The following FNDC3B variants were observed in gnomAD, a reference collection of about 807,000 sequenced individuals.
FNDC3B encodes the protein fibronectin type III domain-containing protein 3B.
In FNDC3B, 12 loss-of-function variants were observed where a neutral mutation model predicts 151.5. The observed-to-expected ratio is 0.08, with a 90% confidence interval of 0.05 to 0.13. The LOEUF (loss-of-function observed/expected upper bound fraction) is 0.13. Among genes scored for constraint, FNDC3B ranks in the 10% least tolerant of loss-of-function variants. The pLI, the probability that FNDC3B is intolerant of heterozygous loss-of-function variation, is 1.00. For missense variants in FNDC3B, 1,214 were observed against 1,505.3 expected, an observed-to-expected ratio of 0.81 and a Z score of 3.20; for synonymous variants, 528 against 549.0, an observed-to-expected ratio of 0.96 and a Z score of 0.54.
At chr3:172,382,327 C>T (rs1257232093) in intron 25 of FNDC3B, among the ~76,000 whole-genome samples, 1 of 151,870 alleles carries the variant, frequency 6.6e-6, no homozygotes, top group Non-Finnish European at 1.5e-5. Flanking sequence ...TGGTTTTTTT[C>T]TTGTAAATTT....
intron 4 of FNDC3B, among the ~76,000 whole-genome samples, chr3:172,244,126 G>T (rs1420823902): frequency 6.6e-6 from 1 of 152,232 alleles, no homozygotes; most frequent in Non-Finnish European, 1.5e-5. Context: ...TCTTACTGTT[G>T]AGCACTTATT....
At chr3:172,322,448 G>A (rs1305421567) in intron 11 of FNDC3B, among the ~76,000 whole-genome samples, 2 of 152,186 alleles carry the variant, frequency 1.3e-5, no homozygotes, top group Non-Finnish European at 2.9e-5. Context: ...AAGACCACCC[G>A]CATTCAAGGG....
intron 3 of FNDC3B, among the ~76,000 whole-genome samples, chr3:172,162,790 G>A (rs999318664): frequency 1.3e-5 from 2 of 151,916 alleles, no homozygotes; most frequent in African/African-American, 4.8e-5. Context: ...CTATGATATG[G>A]CTCTGAGCTG....
At position 172,397,014 on chromosome 3, in the gene FNDC3B, A is replaced by C. The variant is rs547075402; in HGVS notation, c.3304-150A>C. The C allele has an allele frequency of 1.7e-4, 108 of 621,752 alleles. 2 individuals carry two copies. In the South Asian group the frequency reaches 2.2e-3, roughly 13 times the overall value. 38.5% of individuals were successfully genotyped at this position (621,752 alleles called of 1,614,324 possible). A position where few individuals can be genotyped will look rare whatever the true frequency, so the allele number is the denominator to read the frequency against. Reference sequence around the variant, plus strand: ...TACCCTTTTTATGGTTGGAATACAGATTGAGAGAAGTACATTTTTATATCA... The same window carrying C: ...TACCCTTTTTATGGTTGGAATACAGCTTGAGAGAAGTACATTTTTATATCA... On this transcript the variant is annotated intron_variant, in intron 25 of 25. Coordinates refer to ENST00000415807, the MANE Select transcript of FNDC3B (RefSeq NM_022763.4).
In FNDC3B at chr3:172,256,389, A is replaced by T. The variant is rs528289306; in HGVS notation, c.790+4848A>T. 2.5e-4 allele frequency among the ~76,000 whole-genome samples: 38 copies of T among 152,304 alleles called. 1 individual carries two copies. In the South Asian group the frequency reaches 4.8e-3, roughly 19 times the overall value. On this transcript the variant is annotated intron_variant, in intron 6 of 25. Coordinates refer to ENST00000415807, the MANE Select transcript of FNDC3B (RefSeq NM_022763.4). ...TTTTCTCTTCCTCTCCCAGCATTTC[A>T]TTTTAGAACAGTGCTTGGGCATCCA... is the stretch of plus-strand genomic sequence containing the variant.
intron 3 of FNDC3B, chr3:172,184,167 C>A (rs1168662031): frequency 2.6e-5 from 4 of 152,082 alleles, no homozygotes; most frequent in Admixed American, 6.5e-5. Flanking sequence ...GTCCAGAGGC[C>A]CCCATTCCCC....
chr3:172,341,311 A>C (rs1733309422), intron 17 of FNDC3B, 80 bp downstream of exon 17: 1 of 998,428 alleles, frequency 1.0e-6, no homozygotes, highest in Non-Finnish European at 1.6e-6. Context: ...AGCAAATTGC[A>C]GTTTAAACAA....
chr3:172,192,388 TG>T (rs1439264512), intron 3 of FNDC3B, among the ~76,000 whole-genome samples: 22 of 152,108 alleles, frequency 1.4e-4, no homozygotes, highest in African/African-American at 4.8e-4. Flanking sequence ...GGTTTCACCG[TG>T]TTAGCCAGGA....
At chr3:172,096,039 CT>C (rs1211600077) in intron 1 of FNDC3B, among the ~76,000 whole-genome samples, 1 of 152,182 alleles carries the variant, frequency 6.6e-6, no homozygotes, top group Non-Finnish European at 1.5e-5. Flanking sequence ...TCTAAAATAT[CT>C]TAAGCCACAT....
chr3:172,078,542 C>T (rs1308926117), intron 1 of FNDC3B, among the ~76,000 whole-genome samples: 8 of 150,612 alleles, frequency 5.3e-5, no homozygotes, highest in Non-Finnish European at 1.2e-4. Context: ...GAATGTATTC[C>T]TTACCTTTTG....
intron 9 of FNDC3B, among the ~76,000 whole-genome samples, chr3:172,300,797 A>G (rs1425794901): frequency 5.3e-5 from 8 of 152,130 alleles, no homozygotes; most frequent in Non-Finnish European, 1.2e-4. Flanking sequence ...GGGATGGTCA[A>G]TTTTAGTATT....
chr3:172,105,162 C>T (rs1719580433), intron 1 of FNDC3B, among the ~76,000 whole-genome samples: 1 of 152,090 alleles, frequency 6.6e-6, no homozygotes, highest in Non-Finnish European at 1.5e-5. Flanking sequence ...AACTGTCTGT[C>T]CTTGTGACTG....
intron 3 of FNDC3B, among the ~76,000 whole-genome samples, chr3:172,214,810 C>T (rs917083318): frequency 1.1e-4 from 17 of 152,228 alleles, no homozygotes; most frequent in Admixed American, 5.2e-4. Context: ...ATAAAATGCC[C>T]TTACAGTGTT....
intron 9 of FNDC3B, among the ~76,000 whole-genome samples, chr3:172,304,734 CA>C (rs1377818519): frequency 6.6e-6 from 1 of 151,940 alleles, no homozygotes; most frequent in Non-Finnish European, 1.5e-5. Context: ...CCCATCTCTA[CA>C]AAAATACAAA....
chr3:172,123,745 A>G (rs915124479), intron 2 of FNDC3B, among the ~76,000 whole-genome samples: 1 of 152,258 alleles, frequency 6.6e-6, no homozygotes, highest in African/African-American at 2.4e-5. Flanking sequence ...TCTATATAGA[A>G]TGGCTATTTC....
At chr3:172,087,808 C>G (rs9874447) in intron 1 of FNDC3B, among the ~76,000 whole-genome samples, 7,178 of 152,186 alleles carry the variant, frequency 0.047, 564 homozygotes, top group African/African-American at 0.16. Context: ...GAATTCAATG[C>G]TTCTCCATTT....
chr3:172,241,007 G>A (rs950161195), intron 4 of FNDC3B, among the ~76,000 whole-genome samples: 3 of 152,108 alleles, frequency 2.0e-5, no homozygotes, highest in South Asian at 2.1e-4. Context: ...TTGTAAACGT[G>A]TACTAAGCTG....
At chr3:172,277,527 C>T (rs1177239709) in intron 6 of FNDC3B, among the ~76,000 whole-genome samples, 1 of 152,162 alleles carries the variant, frequency 6.6e-6, no homozygotes, top group Admixed American at 6.6e-5. Flanking sequence ...AATGCCATCA[C>T]TTTAGCGCGT....
intron 2 of FNDC3B, among the ~76,000 whole-genome samples, chr3:172,122,077 C>T (rs933921186): frequency 6.6e-6 from 1 of 152,164 alleles, no homozygotes; most frequent in Non-Finnish European, 1.5e-5. Context: ...TGTGTTAAGA[C>T]GAGACACTTC....
Sources: gnomAD v4.1 joint callset for allele counts (sites outside exome capture counted in the v4.1 genomes callset) on GRCh38, gnomAD v4.1.1 for gene constraint, MANE v1.5 for transcripts, NCBI Gene and HGNC (gene_info 2026-07-23, HGNC 2026-07-21) for gene names.